The following BICD2 variants were observed in gnomAD, a reference collection of about 807,000 sequenced individuals.
BICD2 encodes the protein BICD cargo adaptor 2, also known as protein bicaudal D homolog 2.
BICD2 carries 25 observed loss-of-function variants against 72.9 expected under a neutral mutation model. The observed-to-expected ratio is 0.34, with a 90% CI of 0.25 to 0.48. The LOEUF (loss-of-function observed/expected upper bound fraction) is 0.48. Among genes scored for constraint, BICD2 ranks in the 20% least tolerant of loss-of-function variants. The pLI is 0.99. For synonymous variants in BICD2, 501 were observed against 516.1 expected (o/e 0.97, Z 0.40); for missense variants, 894 against 1,175.2 (o/e 0.76, Z 3.50).
chr9:92,746,583 C>G (rs1489979816), intron 1 of BICD2, among the ~76,000 whole-genome samples: 1 of 151,622 alleles, frequency 6.6e-6, no homozygotes, highest in Non-Finnish European at 1.5e-5. Context: ...CACATGTCCA[C>G]GCCAAGTATG....
In BICD2 at chr9:92,715,256, C is replaced by T. The variant is rs1357603683; in HGVS notation, c.2466G>A (p.Pro822=). 3.7e-6 allele frequency: 6 copies of T among 1,613,146 alleles called. No homozygotes were observed. The African/African-American group carries it at 4.0e-5, about 11-fold the overall frequency. ...KAAPKTKPAT[P]SVSHTCACAS... Reference sequence around the variant, plus strand: ...CACAGGCACAGGTGTGACTTACGCTCGGTGTGGCTGGCTTGGTCTTCGGGG... The same window carrying T: ...CACAGGCACAGGTGTGACTTACGCTTGGTGTGGCTGGCTTGGTCTTCGGGG... Residue 822 remains proline (P), a synonymous_variant, in exon 7 of 7, where the codon CCG becomes CCA. Transcript: ENST00000356884.
rs1266874937 is a variant in BICD2 at position 92,764,734 on chromosome 9, G to A, written c.11C>T (p.Pro4Leu). The change falls in exon 1 of 7, where the codon CCG (proline) becomes CTG (leucine). Residue 4 changes from proline to leucine, a missense_variant. Physicochemically the swap from Pro to Leu is moderately conservative, Grantham distance 98. Transcript: ENST00000356884. This position sits in a 1 kb window ranked among gnomAD's most constrained non-coding sequence, Gnocchi z 5.5. ...CCGCGCGTACTCCTCCTCCTCCGAC[G>A]GCGCCGACATGGTGGCCGAGGGCTG... is the stretch of plus-strand genomic sequence containing the variant. MSA[P>L]SEEEEYARLV... The A allele has an allele frequency of 2.5e-6, 4 of 1,570,156 alleles. No individual in the cohort carries two copies. The highest frequency in any genetic ancestry group is 1.7e-4 in the Middle Eastern group (1 of 5,958).
At position 92,764,212 on chromosome 9, in the gene BICD2, C is replaced by A. The variant is rs1854433075; in HGVS notation, c.240+293G>T. 6.7e-6 allele frequency among the ~76,000 whole-genome samples: 1 copy of A among 149,800 alleles called. No homozygotes were observed. The highest frequency in any genetic ancestry group is 2.4e-5 in the African/African-American group (1 of 41,028). ...GACCACCGCAAAGCATCAGCCCTTA[C>A]GAAGCCCCGCCCCGCCGGGGCCGCC... On this transcript the variant is annotated intron_variant, in intron 1 of 6. Coordinates refer to ENST00000356884, the MANE Select transcript of BICD2 (RefSeq NM_001003800.2). This position sits in a 1 kb window ranked among gnomAD's most constrained non-coding sequence, Gnocchi z 5.5.
chr9:92,762,094 G>A (rs770419450), intron 1 of BICD2, among the ~76,000 whole-genome samples: 13 of 152,138 alleles, frequency 8.5e-5, no homozygotes, highest in Non-Finnish European at 1.8e-4. Context: ...AGAAGTACAA[G>A]CAACTCCATT....
chr9:92,746,964 C>A (rs567765299), intron 1 of BICD2, among the ~76,000 whole-genome samples: 3 of 152,198 alleles, frequency 2.0e-5, no homozygotes, highest in African/African-American at 7.2e-5. Flanking sequence ...AGAGCTGCTC[C>A]GGAAATGTCT....
rs145688502 is a variant in BICD2 at position 92,739,649 on chromosome 9, C to T, written c.241-10413G>A. Among the ~76,000 whole-genome samples the T allele has an allele frequency of 3.9e-5, 6 of 152,286 alleles. No homozygotes were observed. In the East Asian group the frequency reaches 1.2e-3, roughly 29 times the overall value. On this transcript the variant is annotated intron_variant, in intron 1 of 6. Coordinates refer to ENST00000356884, the MANE Select transcript of BICD2 (RefSeq NM_001003800.2). ...CAAAGAAATCTGCAGAGCCAGGAAACAGCAATTCAAGTCCAGCACCCACCT... is the reference window on the plus strand; with the variant it reads ...CAAAGAAATCTGCAGAGCCAGGAAATAGCAATTCAAGTCCAGCACCCACCT...
rs79792057 is a variant in BICD2, at chr9:92,731,464, G to A, written c.241-2228C>T. 9.0e-3 allele frequency among the ~76,000 whole-genome samples: 1,364 copies of A among 151,506 alleles called. 23 individuals are homozygous for A. The highest frequency in any genetic ancestry group is 0.032 in the African/African-American group (1,316 of 41,290). On this transcript the variant is annotated intron_variant, in intron 1 of 6. Transcript: ENST00000356884. Reference sequence around the variant, plus strand: ...GTTGCAGAAATTAGAACTACCTTCTGTGTGAAAACTTAAAAAAAAAAAAGA... The same window carrying A: ...GTTGCAGAAATTAGAACTACCTTCTATGTGAAAACTTAAAAAAAAAAAAGA...
At position 92,713,257 on chromosome 9, in the gene BICD2, A is replaced by G. The variant is rs1853228232; in HGVS notation, c.*1897T>C. ...GCCTTTCCACGCAGCAGCTCGCAGCATGCTCAACATTAAAGCTTTTTTTCC... is the reference window on the plus strand; with the variant it reads ...GCCTTTCCACGCAGCAGCTCGCAGCGTGCTCAACATTAAAGCTTTTTTTCC... On this transcript the variant is annotated 3_prime_UTR_variant, in exon 7 of 7. Transcript: ENST00000356884. 11 of 638,570 alleles carry G rather than the reference A, an allele frequency of 1.7e-5. No homozygotes were observed. The South Asian group carries it at 2.0e-4, about 12-fold the overall frequency. The allele number at this position is 638,570 out of a possible 1,614,324, so 39.6% of individuals were successfully genotyped here. A position where few individuals can be genotyped will look rare whatever the true frequency, so the allele number is the denominator to read the frequency against.
At chr9:92,757,032 G>A (rs1282381189) in intron 1 of BICD2, among the ~76,000 whole-genome samples, 3 of 152,074 alleles carry the variant, frequency 2.0e-5, no homozygotes, top group African/African-American at 7.2e-5. Context: ...CACACATGGC[G>A]CTGTCTTTAA....
chr9:92,740,285 CCACGGAA>C, intron 1 of BICD2, among the ~76,000 whole-genome samples: 1 of 152,154 alleles, frequency 6.6e-6, no homozygotes, highest in Non-Finnish European at 1.5e-5. Flanking sequence ...TGTTGGTGTA[CCACGGAA>C]CAAAGTAAAA....
chr9:92,764,377 T>A lies in BICD2; in HGVS notation c.240+128A>T, dbSNP rs1316886706. ...ACTCCCACATACTGCCCGTGCCCCCTCCGCCCCGGCGGCCCACCCCTGCCG... is the reference window on the plus strand; with the variant it reads ...ACTCCCACATACTGCCCGTGCCCCCACCGCCCCGGCGGCCCACCCCTGCCG... On this transcript the variant is annotated intron_variant, in intron 1 of 6. Coordinates refer to ENST00000356884, the MANE Select transcript of BICD2 (RefSeq NM_001003800.2). The surrounding 1 kb of genome is among the most constrained non-coding windows in gnomAD (Gnocchi z 5.5). 3 of 1,280,848 alleles carry A rather than the reference T, an allele frequency of 2.3e-6. No homozygotes were observed. Among genetic ancestry groups the A allele is most frequent in the Non-Finnish European group, 3.0e-6 (3 of 996,630 alleles). The allele number at this position is 1,280,848 out of a possible 1,614,324, so 79.3% of individuals were successfully genotyped here. A position where few individuals can be genotyped will look rare whatever the true frequency, so the allele number is the denominator to read the frequency against.
chr9:92,742,707 C>A (rs543071952), intron 1 of BICD2, among the ~76,000 whole-genome samples: 2 of 152,014 alleles, frequency 1.3e-5, no homozygotes, highest in South Asian at 2.1e-4. Context: ...TATCACCCCC[C>A]CCAAAGAAAC....
At chr9:92,755,702 C>A (rs1252820474) in intron 1 of BICD2, among the ~76,000 whole-genome samples, 1 of 152,206 alleles carries the variant, frequency 6.6e-6, no homozygotes, top group Non-Finnish European at 1.5e-5. Context: ...GGCTTATGGA[C>A]ATGCTTGTCA....
At chr9:92,719,611 T>G (rs757833815) in intron 4 of BICD2, 29 bp from the exon 5 acceptor site, 4 of 1,556,876 alleles carry the variant, frequency 2.6e-6, no homozygotes, top group Non-Finnish European at 3.5e-6. Context: ...CAGGACACCA[T>G]GTCAGTTGCT....
rs929033893 is a variant in BICD2, at chr9:92,714,806, G to A, written c.*348C>T. The A allele has an allele frequency of 1.8e-5, 19 of 1,052,868 alleles. No homozygotes were observed. Among genetic ancestry groups the A allele is most frequent in the Non-Finnish European group, 1.8e-5 (16 of 874,002 alleles). 65.2% of individuals were successfully genotyped at this position (1,052,868 alleles called of 1,614,324 possible). On this transcript the variant is annotated 3_prime_UTR_variant, in exon 7 of 7. Transcript: ENST00000356884. ...GGTTCTGCCCCTTTTGGGTGCTGAG[G>A]GAGCAGGACCAGGACTCCTCCCTTG... is the stretch of plus-strand genomic sequence containing the variant.
At chr9:92,747,312 G>A (rs116295738) in intron 1 of BICD2, among the ~76,000 whole-genome samples, 5,529 of 152,298 alleles carry the variant, frequency 0.036, 140 homozygotes, top group Middle Eastern at 0.075. Flanking sequence ...GGCCTAGTGC[G>A]AGAGGCTGGG....
intron 1 of BICD2, among the ~76,000 whole-genome samples, chr9:92,739,450 A>T (rs1853854518): frequency 6.6e-6 from 1 of 152,230 alleles, no homozygotes; most frequent in Admixed American, 6.5e-5. Context: ...TCAGTATCCC[A>T]GGCTCTCTAT....
At chr9:92,729,502 C>G (rs1461979040) in intron 1 of BICD2, among the ~76,000 whole-genome samples, 1 of 152,250 alleles carries the variant, frequency 6.6e-6, no homozygotes, top group African/African-American at 2.4e-5. Flanking sequence ...AGTGTCTGCA[C>G]TGGCAAGACA....
chr9:92,758,331 C>A (rs1355703320), intron 1 of BICD2, among the ~76,000 whole-genome samples: 1 of 151,810 alleles, frequency 6.6e-6, no homozygotes, highest in East Asian at 1.9e-4. Flanking sequence ...GCAGGCAGAT[C>A]ACCCGAGGTC....
Sources: gnomAD v4.1 joint callset for allele counts (sites outside exome capture counted in the v4.1 genomes callset) on GRCh38, gnomAD v4.1.1 for gene constraint, Gnocchi (gnomAD v3.1) non-coding constraint, MANE v1.5 for transcripts, NCBI Gene and HGNC (gene_info 2026-07-23, HGNC 2026-07-21) for gene names.